Variants in ZEB1 observed in about 807,000 individuals in gnomAD.
ZEB1 encodes the protein zinc finger E-box-binding homeobox 1.
Under a neutral mutation model 84.9 loss-of-function variants are expected in ZEB1, and 21 were observed. The observed-to-expected ratio is 0.25, with a 90% CI of 0.18 to 0.36. The LOEUF is 0.36. Among genes scored for constraint, ZEB1 ranks in the 10% least tolerant of loss-of-function variants. The probability of loss-of-function intolerance (pLI) is 1.00; values close to 1 mark genes in which losing one functional copy is unlikely to be tolerated. For missense variants in ZEB1, 1,104 were observed against 1,330.2 expected, an observed-to-expected ratio of 0.83 and a Z score of 2.65; for synonymous variants, 420 against 471.1, an observed-to-expected ratio of 0.89 and a Z score of 1.41.
At chr10:31,385,050 T>A (rs569482373) in intron 1 of ZEB1, among the ~76,000 whole-genome samples, 152 of 152,240 alleles carry the variant, frequency 1.0e-3, no homozygotes, top group Non-Finnish European at 1.7e-3. Context: ...TACACTTATT[T>A]CTTTAGTCTA....
At chr10:31,390,765 T>C (rs1371403714) in intron 1 of ZEB1, among the ~76,000 whole-genome samples, 2 of 152,200 alleles carry the variant, frequency 1.3e-5, no homozygotes, top group Non-Finnish European at 2.9e-5. Flanking sequence ...ATTTAAGTAC[T>C]TGTAATTCTT....
At chr10:31,403,952 G>T (rs1055174668) in intron 1 of ZEB1, among the ~76,000 whole-genome samples, 4 of 151,958 alleles carry the variant, frequency 2.6e-5, no homozygotes, top group Non-Finnish European at 5.9e-5. Context: ...AAATGTGAAA[G>T]GTAGATTGCT....
chr10:31,460,174 A>G (rs1313452542), intron 1 of ZEB1, among the ~76,000 whole-genome samples: 1 of 152,036 alleles, frequency 6.6e-6, no homozygotes, highest in African/African-American at 2.4e-5. Context: ...TGATTATACT[A>G]GATTATTTAT....
At chr10:31,359,051 A>G (rs2042568449) in intron 1 of ZEB1, among the ~76,000 whole-genome samples, 1 of 152,184 alleles carries the variant, frequency 6.6e-6, no homozygotes, top group South Asian at 2.1e-4. Flanking sequence ...AAGGTAACAA[A>G]CAAATAAATG....
chr10:31,523,816 A>T (rs2072866927), intron 7 of ZEB1, 117 bp from the exon 8 acceptor site: 2 of 1,218,510 alleles, frequency 1.6e-6, no homozygotes, highest in South Asian at 2.7e-5. Flanking sequence ...GCTTTGGTCA[A>T]GTCCTTGAAA....
intron 2 of ZEB1, among the ~76,000 whole-genome samples, chr10:31,491,231 C>A (rs778680593): frequency 6.6e-6 from 1 of 151,748 alleles, no homozygotes; most frequent in Non-Finnish European, 1.5e-5. Context: ...CTTCCTGCAT[C>A]TATGCCTGTA....
At chr10:31,421,617 A>G (rs80022968) in intron 1 of ZEB1, among the ~76,000 whole-genome samples, 6,966 of 151,058 alleles carry the variant, frequency 0.046, 230 homozygotes, top group Middle Eastern at 0.078. Context: ...CCAGCTTAGG[A>G]AAAAAAAAGC....
chr10:31,458,204 T>G (rs1423745762), intron 1 of ZEB1, among the ~76,000 whole-genome samples: 1 of 152,136 alleles, frequency 6.6e-6, no homozygotes, highest in Non-Finnish European at 1.5e-5. Flanking sequence ...TTGTCATATA[T>G]AAATGCCAAC....
intron 2 of ZEB1, among the ~76,000 whole-genome samples, chr10:31,473,733 A>G (rs1473662033): frequency 1.3e-5 from 2 of 150,448 alleles, no homozygotes; most frequent in Admixed American, 1.3e-4. Context: ...TGGAACCAAA[A>G]AAGAGCCTGC....
rs545882516 is a variant in ZEB1 at position 31,380,356 on chromosome 10, GT to G, written c.58+61068del. Among the ~76,000 whole-genome samples the G allele has an allele frequency of 1.8e-3, 269 of 152,272 alleles. 3 individuals carry two copies. The highest frequency in any genetic ancestry group is 6.3e-3 in the African/African-American group (260 of 41,558). ...TTAATTAGTTTCAGGTTCAGCTTTG[GT>G]TTTGGTGTTGAGGATGGAAGGCATG... On this transcript the variant is annotated intron_variant, in intron 1 of 8. Coordinates refer to ENST00000424869, the MANE Select transcript of ZEB1 (RefSeq NM_001174096.2).
intron 1 of ZEB1, among the ~76,000 whole-genome samples, chr10:31,326,638 G>A (rs1185461946): frequency 3.3e-5 from 5 of 152,038 alleles, no homozygotes; most frequent in Non-Finnish European, 7.4e-5. Flanking sequence ...AGCTTTTTGG[G>A]TTCCTAGTTC....
At chr10:31,372,218 A>G (rs2045844297) in intron 1 of ZEB1, among the ~76,000 whole-genome samples, 1 of 152,040 alleles carries the variant, frequency 6.6e-6, no homozygotes, top group African/African-American at 2.4e-5. Flanking sequence ...GTTTAGCTTT[A>G]TTTGATTGTA....
At chr10:31,434,933 T>C (rs2058114930) in intron 1 of ZEB1, among the ~76,000 whole-genome samples, 1 of 152,206 alleles carries the variant, frequency 6.6e-6, no homozygotes, top group Admixed American at 6.5e-5. Context: ...CTTGCCCTCA[T>C]GGAGCTTACA....
At chr10:31,472,773 CA>C in intron 2 of ZEB1, among the ~76,000 whole-genome samples, 1 of 140,424 alleles carries the variant, frequency 7.1e-6, no homozygotes, top group East Asian at 2.0e-4. Context: ...AATTTTAGAC[CA>C]ATATCCTTGA....
chr10:31,333,094 A>G (rs1468530868), intron 1 of ZEB1, among the ~76,000 whole-genome samples: 3 of 152,136 alleles, frequency 2.0e-5, no homozygotes. Flanking sequence ...AAGGAGTTTT[A>G]CTGTACTAAT....
chr10:31,369,051 CT>C (rs1478988551), intron 1 of ZEB1, among the ~76,000 whole-genome samples: 1 of 152,048 alleles, frequency 6.6e-6, no homozygotes, highest in East Asian at 1.9e-4. Context: ...TCAACTATTT[CT>C]TTTTTTAATC....
chr10:31,440,809 G>T (rs566556312), intron 1 of ZEB1, among the ~76,000 whole-genome samples: 1 of 152,270 alleles, frequency 6.6e-6, no homozygotes, highest in East Asian at 1.9e-4. Context: ...ATTCACAATT[G>T]CTTCAAAGAG....
At position 31,446,378 on chromosome 10, in the gene ZEB1, G is replaced by A. The variant is rs376994954; in HGVS notation, c.59-14659G>A. On this transcript the variant is annotated intron_variant, in intron 1 of 8. Transcript: ENST00000424869. ...CAAAAAACCAGCTCCTGGATTCATT[G>A]ATTTTTTGAAGGGTTTTTTGTCTCT... Among the ~76,000 whole-genome samples the A allele has an allele frequency of 1.4e-4, 22 of 151,902 alleles. No individual in the cohort carries two copies. In the South Asian group the frequency reaches 3.8e-3, roughly 26 times the overall value.
intron 4 of ZEB1, among the ~76,000 whole-genome samples, chr10:31,505,482 A>C (rs1245632435): frequency 4.6e-5 from 7 of 151,738 alleles, no homozygotes; most frequent in Non-Finnish European, 8.8e-5. Flanking sequence ...CAGGTTTTCT[A>C]TTTCTTTCTA....
Sources: allele counts gnomAD v4.1 joint callset (sites outside exome capture counted in the v4.1 genomes callset), GRCh38; gene constraint gnomAD v4.1.1; transcripts MANE v1.5; gene names NCBI Gene and HGNC (gene_info 2026-07-23, HGNC 2026-07-21).